The following ASMTL variants were observed in gnomAD, a reference collection of about 807,000 sequenced individuals.
The protein encoded by ASMTL is probable bifunctional dTTP/UTP pyrophosphatase/methyltransferase protein.
ASMTL carries 57 observed loss-of-function variants against 60.3 expected under a neutral mutation model. That is an observed-to-expected ratio of 0.95 (90% CI 0.76 to 1.18). ASMTL has a LOEUF of 1.18. Among genes scored for constraint, ASMTL ranks in the 50% most tolerant of loss-of-function variants. The probability of loss-of-function intolerance (pLI) is 0.00; values close to 1 mark genes in which losing one functional copy is unlikely to be tolerated. For synonymous variants in ASMTL, 419 were observed against 373.0 expected (o/e 1.12, Z -1.42); for missense variants, 981 against 852.6 (o/e 1.15, Z -1.88).
At chrX:1,407,473 GGATA>G (rs1463750100) in intron 12 of ASMTL, among the ~76,000 whole-genome samples, 5 of 148,120 alleles carry the variant, frequency 3.4e-5, no homozygotes, top group Non-Finnish European at 7.4e-5. Context: ...ATGAATAGAT[GGATA>G]GATGGATGCA....
intron 2 of ASMTL, 133 bp from the exon 3 acceptor site, chrX:1,439,277 T>A (rs2091049249): frequency 1.2e-6 from 1 of 846,466 alleles, no homozygotes; most frequent in Non-Finnish European, 1.9e-6. Flanking sequence ...AGGCTGGGGG[T>A]GCTCAAGGTC....
chrX:1,435,197 C>G (rs2090927877), intron 4 of ASMTL, 114 bp from the exon 5 acceptor site: 1 of 1,084,026 alleles, frequency 9.2e-7, no homozygotes, highest in African/African-American at 1.5e-5. Flanking sequence ...GGATCCGTCC[C>G]CAGCATCTTC....
intron 1 of ASMTL, among the ~76,000 whole-genome samples, chrX:1,449,272 A>G (rs758104348): frequency 9.9e-5 from 15 of 150,960 alleles, no homozygotes; most frequent in Admixed American, 2.0e-4. Flanking sequence ...ACTCTTCTAC[A>G]CTCCTCAGCG....
At chrX:1,410,416 C>CTT (rs761882872) in intron 12 of ASMTL, among the ~76,000 whole-genome samples, 2 of 145,724 alleles carry the variant, frequency 1.4e-5, no homozygotes, top group African/African-American at 2.5e-5. Flanking sequence ...CCACAAAAAA[C>CTT]TTTTTTTTTT....
intron 2 of ASMTL, 22 bp from the exon 3 acceptor site, chrX:1,439,166 G>A: frequency 1.4e-5 from 23 of 1,613,744 alleles, no homozygotes; most frequent in Non-Finnish European, 1.9e-5. Flanking sequence ...CCAGATTCCG[G>A]TTTACCGGTG....
chrX:1,406,794 G>C (rs1170422788), intron 12 of ASMTL, among the ~76,000 whole-genome samples: 1 of 151,792 alleles, frequency 6.6e-6, no homozygotes, highest in Non-Finnish European at 1.5e-5. Context: ...GCATGCATGA[G>C]ATGGATGGAT....
intron 12 of ASMTL, among the ~76,000 whole-genome samples, chrX:1,407,868 CACAGAGAGGAGGAG>C (rs1243144938): frequency 2.0e-5 from 3 of 151,490 alleles, no homozygotes; most frequent in Admixed American, 6.6e-5. Context: ...CCTAAAAAGA[CACAGAGAGGAGGAG>C]ACAGAGAGGA....
At chrX:1,442,051 T>C (rs2091121193) in intron 2 of ASMTL, 135 bp downstream of exon 2, 1 of 950,998 alleles carries the variant, frequency 1.1e-6, no homozygotes, top group Non-Finnish European at 1.6e-6. Flanking sequence ...CATTATAACA[T>C]AGCAATAGCT....
intron 1 of ASMTL, among the ~76,000 whole-genome samples, chrX:1,449,043 C>T (rs181370833): frequency 2.0e-5 from 3 of 152,222 alleles, no homozygotes; most frequent in Non-Finnish European, 4.4e-5. Flanking sequence ...AGATAACCTC[C>T]TTCAGACCAG....
chrX:1,411,844 G>A lies in ASMTL; in HGVS notation c.1645+888C>T, dbSNP rs1487588618. 1.3e-3 allele frequency among the ~76,000 whole-genome samples: 149 copies of A among 115,698 alleles called. 1 individual carries two copies. The highest frequency in any genetic ancestry group is 4.5e-3 in the African/African-American group (130 of 28,748). 75.9% of individuals were successfully genotyped at this position (115,698 alleles called of 152,430 possible). A position where few individuals can be genotyped will look rare whatever the true frequency, so the allele number is the denominator to read the frequency against. The stretch of plus-strand genomic sequence containing the variant: ...TTTTTTTTTTTTGAGATGGAGTCTC[G>A]CTCTGTTACCCAGGCTGGAGTGCGG... On this transcript the variant is annotated intron_variant, in intron 12 of 12. Transcript: ENST00000381317.
Position 1,420,062 on chromosome X carries a change from C to G in ASMTL, c.1246-948G>C, listed in dbSNP as rs188131889. ...CTGTCTCTATGTCTGTCTCCTGTTT[C>G]TGTCTCTATCTGCCTCTATCTCTGT... is the stretch of plus-strand genomic sequence containing the variant. On this transcript the variant is annotated intron_variant, in intron 9 of 12. Transcript: ENST00000381317. Among the ~76,000 whole-genome samples the G allele has an allele frequency of 3.2e-3, 489 of 150,514 alleles. 7 individuals are homozygous for G. Among genetic ancestry groups the G allele is most frequent in the African/African-American group, 0.011 (468 of 41,048 alleles).
intron 6 of ASMTL, chrX:1,432,053 G>C: frequency 1.7e-6 from 1 of 592,320 alleles, no homozygotes; most frequent in Non-Finnish European, 3.0e-6. Flanking sequence ...CTCCCACCCT[G>C]CCCCTCTCTG....
At chrX:1,415,192 C>G (rs1367429669) in intron 11 of ASMTL, among the ~76,000 whole-genome samples, 2 of 12,470 alleles carry the variant, frequency 1.6e-4, no homozygotes, top group Non-Finnish European at 7.7e-4. Flanking sequence ...CCACCCGCCT[C>G]AGCCTCCCAG....
In ASMTL at chrX:1,419,144, A is replaced by C. The variant is rs745367253; in HGVS notation, c.1246-30T>G. Reference sequence around the variant, plus strand: ...AACACAGCAGGTGCTTAGGGGCACCAGAGAACACGGGGCGAGGGCTCGCCC... The same window carrying C: ...AACACAGCAGGTGCTTAGGGGCACCCGAGAACACGGGGCGAGGGCTCGCCC... On this transcript the variant is annotated intron_variant, in intron 9 of 12. Coordinates refer to ENST00000381317, the MANE Select transcript of ASMTL (RefSeq NM_004192.4). The C allele has an allele frequency of 8.7e-6, 14 of 1,608,608 alleles. No individual in the cohort carries two copies. In the South Asian group the frequency reaches 1.5e-4, roughly 18 times the overall value.
Position 1,425,609 on chromosome X carries a change from T to G in ASMTL, c.976A>C (p.Ser326Arg), listed in dbSNP as rs761453325. 6.2e-7 allele frequency: 1 copy of G among 1,613,838 alleles called. No homozygotes were observed. The highest frequency in any genetic ancestry group is 8.5e-7 in the Non-Finnish European group (1 of 1,179,834). ...CCACACGCAGAGGCGTCCACTTTGC[T>G]GGCAATATCCGCAGCCTTCTGGGGT... ...EAPQKAADIA[S>R]KVDASACGME... The change falls in exon 8 of 13, where the codon AGC becomes CGC. Residue 326 changes from serine (S) to arginine (R), a missense_variant. Transcript: ENST00000381317.
Position 1,407,723 on chromosome X carries a change from T to C in ASMTL, c.1646-4234A>G, listed in dbSNP as rs138500791. Reference sequence around the variant, plus strand: ...ACATAGTGAGACCCTGTCTCTATTTTATTTTTTTTAAAAAAGGATGATAGA... The same window carrying C: ...ACATAGTGAGACCCTGTCTCTATTTCATTTTTTTTAAAAAAGGATGATAGA... On this transcript the variant is annotated intron_variant, in intron 12 of 12. Coordinates refer to ENST00000381317, the MANE Select transcript of ASMTL (RefSeq NM_004192.4). Among the ~76,000 whole-genome samples the C allele has an allele frequency of 4.8e-3, 725 of 151,686 alleles. 6 individuals carry two copies. The highest frequency in any genetic ancestry group is 0.017 in the African/African-American group (688 of 41,326).
Position 1,442,412 on chromosome X carries a change from C to T in ASMTL, c.94-95G>A. ...ATTTGCAGGACGCACATAGCGTTTG[C>T]TACACTCCCCGACCCTGTCCCAGGT... On this transcript the variant is annotated intron_variant, in intron 1 of 12. Transcript: ENST00000381317. The T allele has an allele frequency of 7.1e-6, 10 of 1,406,292 alleles. No homozygotes were observed. In the South Asian group the frequency reaches 1.1e-4, roughly 16 times the overall value. The allele number at this position is 1,406,292 out of a possible 1,614,324, so 87.1% of individuals were successfully genotyped here. A position where few individuals can be genotyped will look rare whatever the true frequency, so the allele number is the denominator to read the frequency against.
At chrX:1,418,858 C>T (rs2090391099) in intron 10 of ASMTL, 124 bp downstream of exon 10, 3 of 1,260,382 alleles carry the variant, frequency 2.4e-6, no homozygotes, top group Admixed American at 2.0e-5. Context: ...CTCAGCCTGG[C>T]CCGGTTCAGG....
intron 9 of ASMTL, among the ~76,000 whole-genome samples, chrX:1,419,679 C>T (rs1386699491): frequency 2.0e-5 from 3 of 152,176 alleles, no homozygotes; most frequent in South Asian, 4.1e-4. Context: ...CTGGACATCC[C>T]GTCCCTGCAG....
Sources: allele counts gnomAD v4.1 joint callset (sites outside exome capture counted in the v4.1 genomes callset), GRCh38; gene constraint gnomAD v4.1.1; transcripts MANE v1.5; gene names NCBI Gene and HGNC (gene_info 2026-07-23, HGNC 2026-07-21).